Variants in ACYP2 observed in about 807,000 individuals in gnomAD.
ACYP2 encodes acylphosphatase 2.
ACYP2 carries 12 observed loss-of-function variants against 11.2 expected under a neutral mutation model. The observed-to-expected ratio is 1.08, with a 90% CI of 0.69 to 1.74. The LOEUF (loss-of-function observed/expected upper bound fraction) is 1.74. Ranked by LOEUF, ACYP2 falls within the 40% of genes most tolerant of loss-of-function variation. ACYP2 has a pLI of 0.00. For synonymous variants in ACYP2, 43 were observed against 32.2 expected, an observed-to-expected ratio of 1.33 and a Z score of -1.13; for missense variants, 134 against 101.9, an observed-to-expected ratio of 1.31 and a Z score of -1.35.
At chr2:54,165,531 T>A (rs201192752) in intron 6 of ACYP2, among the ~76,000 whole-genome samples, 15,966 of 118,610 alleles carry the variant, frequency 0.13, 1,025 homozygotes, top group East Asian at 0.26. Context: ...TCTCTCTCTC[T>A]CTCTCACACA....
intron 2 of ACYP2, among the ~76,000 whole-genome samples, chr2:53,984,500 CG>C (rs372207808): frequency 1.6e-3 from 248 of 150,906 alleles, no homozygotes; most frequent in African/African-American, 5.3e-3. Context: ...TCTCTTGAAC[CG>C]GGGGGGTGGG....
At chr2:54,095,688 G>T (rs1449472060) in intron 4 of ACYP2, among the ~76,000 whole-genome samples, 1 of 137,716 alleles carries the variant, frequency 7.3e-6, no homozygotes, top group African/African-American at 2.8e-5. Context: ...CTCCTGGACG[G>T]GGCGGCTGGC....
intron 4 of ACYP2, chr2:54,115,342 T>G (rs1679686932): frequency 2.0e-6 from 1 of 500,530 alleles, no homozygotes. Context: ...GAAGCCACTC[T>G]TTTTTTGGGC....
At chr2:53,975,308 G>A in intron 2 of ACYP2, 1 of 398,176 alleles carries the variant, frequency 2.5e-6, no homozygotes, top group Non-Finnish European at 4.4e-6. Flanking sequence ...AAAAGTTGAA[G>A]AATTTACGGG....
chr2:54,231,944 T>A (rs529516404), intron 6 of ACYP2, among the ~76,000 whole-genome samples: 1 of 152,372 alleles, frequency 6.6e-6, no homozygotes, highest in South Asian at 2.1e-4. Context: ...TTTTGGTTTC[T>A]GACTTTCTAC....
chr2:54,042,497 A>G (rs1292375917), intron 2 of ACYP2, among the ~76,000 whole-genome samples: 1 of 152,222 alleles, frequency 6.6e-6, no homozygotes, highest in Non-Finnish European at 1.5e-5. Flanking sequence ...TCTTCCATTC[A>G]AATTTTAGCT....
chr2:54,106,297 C>T (rs1425527882), intron 4 of ACYP2, among the ~76,000 whole-genome samples: 1 of 152,052 alleles, frequency 6.6e-6, no homozygotes, highest in East Asian at 1.9e-4. Context: ...AGGCTGGCCT[C>T]AAGTGATCCT....
chr2:53,999,869 C>G (rs773395766), intron 2 of ACYP2, among the ~76,000 whole-genome samples: 22 of 152,172 alleles, frequency 1.4e-4, no homozygotes, highest in Non-Finnish European at 2.6e-4. Context: ...GATTAAAACC[C>G]CATGCAAATT....
intron 2 of ACYP2, among the ~76,000 whole-genome samples, chr2:54,038,172 C>T (rs776072068): frequency 2.0e-5 from 3 of 152,156 alleles, no homozygotes; most frequent in East Asian, 3.9e-4. Context: ...AACCTCTGAG[C>T]GTCCTGATTC....
chr2:53,983,429 C>A (rs113111063), intron 2 of ACYP2, among the ~76,000 whole-genome samples: 2 of 152,166 alleles, frequency 1.3e-5, no homozygotes, highest in South Asian at 4.2e-4. Flanking sequence ...TCACTTGAAC[C>A]CAGGAGATTG....
intron 4 of ACYP2, among the ~76,000 whole-genome samples, chr2:54,075,327 C>T (rs1308590025): frequency 6.6e-6 from 1 of 151,984 alleles, no homozygotes; most frequent in African/African-American, 2.4e-5. Flanking sequence ...GGTGAAACCC[C>T]GTTTCTACTA....
chr2:54,224,438 C>T (rs1685923473), intron 6 of ACYP2, among the ~76,000 whole-genome samples: 1 of 152,192 alleles, frequency 6.6e-6, no homozygotes, highest in African/African-American at 2.4e-5. Flanking sequence ...GGCATGGGGC[C>T]TTCTATGGAC....
chr2:54,273,260 C>T (rs543176942), intron 6 of ACYP2, among the ~76,000 whole-genome samples: 16 of 152,294 alleles, frequency 1.1e-4, no homozygotes, highest in African/African-American at 3.6e-4. Context: ...CTTATGTTCT[C>T]GTCTGTAATT....
rs191345250 is a variant in ACYP2, at chr2:54,190,339, T to G, written c.404+51591T>G. On this transcript the variant is annotated intron_variant, in intron 6 of 6. Transcript: ENST00000607452. The stretch of plus-strand genomic sequence containing the variant: ...CCAGACCTCTGTCTTCTTCACATAT[T>G]GTCCCATTTTTTTCCTGCTCTTCAT... Among the ~76,000 whole-genome samples, 4 of 152,284 alleles carry G rather than the reference T, an allele frequency of 2.6e-5. No homozygotes were observed. The East Asian group carries it at 7.7e-4, about 29-fold the overall frequency.
chr2:54,260,774 G>A (rs1004925946), intron 6 of ACYP2, among the ~76,000 whole-genome samples: 1 of 152,192 alleles, frequency 6.6e-6, no homozygotes, highest in Non-Finnish European at 1.5e-5. Context: ...GGTCATTGCA[G>A]GGGAGGAGGT....
chr2:54,219,471 T>C (rs1331189667), intron 6 of ACYP2, among the ~76,000 whole-genome samples: 1 of 152,106 alleles, frequency 6.6e-6, no homozygotes, highest in Non-Finnish European at 1.5e-5. Flanking sequence ...GCAAATCTAA[T>C]GCAGGTTTCT....
At chr2:54,200,241 T>A (rs1684698392) in intron 6 of ACYP2, among the ~76,000 whole-genome samples, 1 of 152,164 alleles carries the variant, frequency 6.6e-6, no homozygotes, top group African/African-American at 2.4e-5. Context: ...GTACAGATGG[T>A]TTTGTGTGGG....
At chr2:54,244,486 C>A (rs540861449) in intron 6 of ACYP2, among the ~76,000 whole-genome samples, 1 of 151,940 alleles carries the variant, frequency 6.6e-6, no homozygotes, top group South Asian at 2.1e-4. Flanking sequence ...ACAGCACTCC[C>A]AAAGTGCTGG....
chr2:54,213,130 CCTT>C (rs1299478201), intron 6 of ACYP2, among the ~76,000 whole-genome samples: 25 of 152,252 alleles, frequency 1.6e-4, no homozygotes, highest in African/African-American at 5.8e-4. Context: ...TCTGTTGTTC[CCTT>C]CTTTGTGTCC....
Sources: gnomAD v4.1 joint callset for allele counts (sites outside exome capture counted in the v4.1 genomes callset) on GRCh38, gnomAD v4.1.1 for gene constraint, MANE v1.5 for transcripts, NCBI Gene and HGNC (gene_info 2026-07-23, HGNC 2026-07-21) for gene names.